Variants in CEP85L observed in about 807,000 individuals in gnomAD.
CEP85L encodes the protein centrosomal protein of 85 kDa-like.
In CEP85L, 60 loss-of-function variants were observed where a neutral mutation model predicts 100.3. The ratio of observed to expected loss-of-function variants is 0.60; its 90% CI spans 0.49 to 0.74. The LOEUF (loss-of-function observed/expected upper bound fraction) is 0.74. Among genes scored for constraint, CEP85L ranks in the 30% least tolerant of loss-of-function variants. The pLI, the probability that CEP85L is intolerant of heterozygous loss-of-function variation, is 0.00. For synonymous variants in CEP85L, 319 were observed against 322.7 expected, an observed-to-expected ratio of 0.99 and a Z score of 0.12; for missense variants, 973 against 936.2, an observed-to-expected ratio of 1.04 and a Z score of -0.51.
At chr6:118,542,431 A>C (rs12192682) in intron 3 of CEP85L, among the ~76,000 whole-genome samples, 1 of 151,858 alleles carries the variant, frequency 6.6e-6, no homozygotes, top group Admixed American at 6.6e-5. Context: ...TGAAATTTAC[A>C]TGTTTAACAA....
chr6:118,575,019 A>T (rs531914276), intron 2 of CEP85L, among the ~76,000 whole-genome samples: 4 of 152,226 alleles, frequency 2.6e-5, no homozygotes, highest in African/African-American at 9.6e-5. Flanking sequence ...AGGTGCAAGA[A>T]ATCTCTAGTA....
intron 2 of CEP85L, among the ~76,000 whole-genome samples, chr6:118,607,863 C>A (rs1026032127): frequency 1.6e-4 from 24 of 152,096 alleles, no homozygotes; most frequent in Admixed American, 1.4e-3. Flanking sequence ...CAAAGTTAGC[C>A]TTTGGGTCAG....
intron 10 of CEP85L, among the ~76,000 whole-genome samples, chr6:118,477,296 T>C (rs757055394): frequency 3.9e-5 from 6 of 152,178 alleles, no homozygotes; most frequent in South Asian, 2.1e-4. Context: ...AATTAGCATA[T>C]ACTTTTACAT....
At chr6:118,616,646 T>C (rs965494443) in intron 2 of CEP85L, among the ~76,000 whole-genome samples, 12 of 127,790 alleles carry the variant, frequency 9.4e-5, no homozygotes, top group African/African-American at 3.5e-4. Flanking sequence ...ACCCTGTCTT[T>C]AAAAAAAAAA....
At chr6:118,609,562 C>G (rs1301301612) in intron 2 of CEP85L, among the ~76,000 whole-genome samples, 1 of 152,072 alleles carries the variant, frequency 6.6e-6, no homozygotes, top group Non-Finnish European at 1.5e-5. Context: ...AAGATCACTG[C>G]CTGAGTATAC....
rs186223619 is a variant in CEP85L at position 118,627,089 on chromosome 6, C to T, written c.232+5364G>A. On this transcript the variant is annotated intron_variant, in intron 2 of 12. Coordinates refer to ENST00000368491, the MANE Select transcript of CEP85L (RefSeq NM_001042475.3). Reference sequence around the variant, plus strand: ...TGGTGGGTGCCTGTAATCCCAGCTACTCAGGAGGCTGAGGCAGGAGAATCA... The same window carrying T: ...TGGTGGGTGCCTGTAATCCCAGCTATTCAGGAGGCTGAGGCAGGAGAATCA... Among the ~76,000 whole-genome samples the T allele has an allele frequency of 4.9e-3, 736 of 150,808 alleles. 1 individual carries two copies. The highest frequency in any genetic ancestry group is 5.1e-3 in the Non-Finnish European group (348 of 67,802).
chr6:118,631,594 TA>T (rs375580440), intron 2 of CEP85L, among the ~76,000 whole-genome samples: 130 of 152,350 alleles, frequency 8.5e-4, no homozygotes, highest in African/African-American at 2.8e-3. Context: ...GGTAAATGGT[TA>T]AAGTGTATTC....
intron 11 of CEP85L, 94 bp downstream of exon 11, chr6:118,470,443 G>T: frequency 1.7e-6 from 1 of 587,080 alleles, no homozygotes; most frequent in Non-Finnish European, 2.9e-6. Context: ...TCAAAATCAT[G>T]TCTTTAATCT....
intron 3 of CEP85L, among the ~76,000 whole-genome samples, chr6:118,525,207 A>T (rs1285796786): frequency 6.6e-6 from 1 of 152,258 alleles, no homozygotes; most frequent in Non-Finnish European, 1.5e-5. Flanking sequence ...TATATCACTT[A>T]GAAAAAATTG....
chr6:118,576,829 T>C (rs1338567879), intron 2 of CEP85L, among the ~76,000 whole-genome samples: 1 of 152,086 alleles, frequency 6.6e-6, no homozygotes, highest in Non-Finnish European at 1.5e-5. Context: ...AAGCAAACCA[T>C]AGCCATTGAA....
At position 118,632,439 on chromosome 6, in the gene CEP85L, G is replaced by C. The variant is rs141879408; in HGVS notation, c.232+14C>G. 1,268 of 1,577,388 alleles carry C rather than the reference G, an allele frequency of 8.0e-4. 12 individuals are homozygous for C. In the African/African-American group the frequency reaches 0.015, roughly 19 times the overall value. On this transcript the variant is annotated intron_variant, in intron 2 of 12. Coordinates refer to ENST00000368491, the MANE Select transcript of CEP85L (RefSeq NM_001042475.3). ...TCAAAGATTCATATATAAACAATAA[G>C]AATTTTAGCTCACCTTCCACGCTAT...
intron 2 of CEP85L, among the ~76,000 whole-genome samples, chr6:118,614,861 CAGACAGAT>C (rs1377135297): frequency 3.5e-5 from 5 of 142,142 alleles, no homozygotes; most frequent in Admixed American, 1.4e-4. Context: ...GACAGACAGA[CAGACAGAT>C]AGATAGATAG....
intron 7 of CEP85L, 79 bp downstream of exon 7, chr6:118,483,627 C>A: frequency 1.4e-6 from 2 of 1,384,940 alleles, no homozygotes; most frequent in South Asian, 2.8e-5. Context: ...ATAGATTTAA[C>A]TTATAGTTAG....
At chr6:118,481,003 C>CT (rs746172311) in intron 8 of CEP85L, among the ~76,000 whole-genome samples, 57 of 145,414 alleles carry the variant, frequency 3.9e-4, no homozygotes, top group South Asian at 1.1e-3. Flanking sequence ...CATTTCTTTT[C>CT]TTTTTTTTTT....
Position 118,481,903 on chromosome 6 carries a change from A to C in CEP85L, c.1621T>G (p.Leu541Val). 6.4e-7 allele frequency: 1 copy of C among 1,570,702 alleles called. No individual in the cohort carries two copies. Among genetic ancestry groups the C allele is most frequent in the South Asian group, 1.2e-5 (1 of 82,880 alleles). Residue 541 changes from leucine to valine, a missense_variant, in exon 8 of 13, where the codon TTA becomes GTA. Transcript: ENST00000368491. ...LQILEEKNKN[L>V]QEALIDTEKK... ...TCTGTATCTATCAAAGCCTCTTGTAAATTCTTATTTTTTTCTTCCAGAATC... is the reference window on the plus strand; with the variant it reads ...TCTGTATCTATCAAAGCCTCTTGTACATTCTTATTTTTTTCTTCCAGAATC...
intron 2 of CEP85L, among the ~76,000 whole-genome samples, chr6:118,599,158 T>G (rs1175003261): frequency 1.3e-5 from 2 of 152,128 alleles, no homozygotes; most frequent in Non-Finnish European, 2.9e-5. Flanking sequence ...CAGATCTTGG[T>G]TTCTGAATAC....
intron 4 of CEP85L, among the ~76,000 whole-genome samples, chr6:118,514,815 C>G (rs1312350652): frequency 6.8e-6 from 1 of 146,880 alleles, no homozygotes; most frequent in South Asian, 2.1e-4. Flanking sequence ...TTTTTTTTTT[C>G]TATTTTAGAG....
rs537798846 is a variant in CEP85L at position 118,684,854 on chromosome 6, G to T, written c.-28+25182C>A. ...TTTTTTAGAGACAAGATCTCACTAT[G>T]TTGCCCAGGCTGGTCCTGAACTGCT... is the stretch of plus-strand genomic sequence containing the variant. On this transcript the variant is annotated intron_variant, in intron 1 of 13. Coordinates refer to the CEP85L transcript ENST00000368488. 9.3e-4 allele frequency among the ~76,000 whole-genome samples: 141 copies of T among 152,070 alleles called. 1 individual carries two copies. The highest frequency in any genetic ancestry group is 3.0e-3 in the African/African-American group (123 of 41,478).
intron 3 of CEP85L, 51 bp downstream of exon 3, chr6:118,565,478 G>A (rs1186820483): frequency 1.3e-6 from 2 of 1,522,398 alleles, no homozygotes; most frequent in African/African-American, 2.7e-5. Context: ...GTGTGCTACT[G>A]TACTCATAAC....
Sources: gnomAD v4.1 joint callset for allele counts (sites outside exome capture counted in the v4.1 genomes callset) on GRCh38, gnomAD v4.1.1 for gene constraint, MANE v1.5 for transcripts, NCBI Gene and HGNC (gene_info 2026-07-23, HGNC 2026-07-21) for gene names.